Variants in BRINP3 observed in about 807,000 individuals in gnomAD.
The protein encoded by BRINP3 is BMP/retinoic acid inducible neural specific 3, also known as BMP/retinoic acid-inducible neural-specific protein 3.
In BRINP3, 19 loss-of-function variants were observed where a neutral mutation model predicts 71.0. The ratio of observed to expected loss-of-function variants is 0.27; its 90% CI spans 0.19 to 0.39. The LOEUF is 0.39. Ranked by LOEUF, BRINP3 falls within the 10% of genes least tolerant of loss-of-function variation. BRINP3 has a pLI of 1.00. For missense variants in BRINP3, 959 were observed against 940.8 expected (o/e 1.02, Z -0.25); for synonymous variants, 380 against 337.7 (o/e 1.13, Z -1.37).
intron 6 of BRINP3, among the ~76,000 whole-genome samples, chr1:190,184,694 C>T (rs1653352198): frequency 1.3e-5 from 2 of 152,050 alleles, no homozygotes; most frequent in Admixed American, 6.6e-5. Flanking sequence ...TTTGGGCACT[C>T]ATGTACATAA....
chr1:190,354,647 T>G (rs139445572), intron 2 of BRINP3, among the ~76,000 whole-genome samples: 1 of 152,066 alleles, frequency 6.6e-6, no homozygotes, highest in Non-Finnish European at 1.5e-5. Context: ...CTGAGATTAA[T>G]TGCCACCCTT....
chr1:190,344,466 A>C (rs1190410165), intron 2 of BRINP3, among the ~76,000 whole-genome samples: 4 of 56,892 alleles, frequency 7.0e-5, no homozygotes, highest in African/African-American at 1.5e-4. Flanking sequence ...TTTTCAGTGC[A>C]AACATAAGTA....
At chr1:190,409,199 C>A (rs1445347231) in intron 2 of BRINP3, among the ~76,000 whole-genome samples, 1 of 151,658 alleles carries the variant, frequency 6.6e-6, no homozygotes, top group Admixed American at 6.6e-5. Context: ...TCCTGGAGTT[C>A]GAGACTATCC....
intron 4 of BRINP3, among the ~76,000 whole-genome samples, chr1:190,254,007 C>G (rs1246929644): frequency 1.3e-5 from 2 of 152,110 alleles, no homozygotes; most frequent in East Asian, 3.9e-4. Flanking sequence ...TTCCCAGCAC[C>G]ATTTATTAAA....
chr1:190,202,710 T>C (rs1013187302), intron 6 of BRINP3, among the ~76,000 whole-genome samples: 1 of 152,010 alleles, frequency 6.6e-6, no homozygotes, highest in African/African-American at 2.4e-5. Flanking sequence ...TTTTAAAAAA[T>C]GGGAGTTTGT....
At chr1:190,365,609 A>T (rs1571869872) in intron 2 of BRINP3, among the ~76,000 whole-genome samples, 1 of 146,674 alleles carries the variant, frequency 6.8e-6, no homozygotes, top group South Asian at 2.1e-4. Context: ...CAATTATATT[A>T]AAATATATTA....
intron 1 of BRINP3, among the ~76,000 whole-genome samples, chr1:190,458,081 C>A (rs1353906187): frequency 3.3e-5 from 5 of 151,984 alleles, no homozygotes; most frequent in Non-Finnish European, 7.4e-5. Flanking sequence ...AGAGAACTAC[C>A]TAACAATATT....
In BRINP3 at chr1:190,384,716, C is replaced by T. The variant is rs557790224; in HGVS notation, c.236+69939G>A. 3.0e-3 allele frequency among the ~76,000 whole-genome samples: 454 copies of T among 151,840 alleles called. 2 individuals carry two copies. Among genetic ancestry groups the T allele is most frequent in the Admixed American group, 6.3e-3 (95 of 15,200 alleles). Reference sequence around the variant, plus strand: ...GTAAGCAATCTGAAATTTAGAGAATCAAATTAATTCACTCAAAATTATATC... The same window carrying T: ...GTAAGCAATCTGAAATTTAGAGAATTAAATTAATTCACTCAAAATTATATC... On this transcript the variant is annotated intron_variant, in intron 2 of 7. Transcript: ENST00000367462.
At chr1:190,301,802 C>G (rs1022550778) in intron 2 of BRINP3, among the ~76,000 whole-genome samples, 3 of 151,812 alleles carry the variant, frequency 2.0e-5, no homozygotes, top group Middle Eastern at 3.5e-3. Flanking sequence ...AAAAAGTGGA[C>G]AGTAAAACCA....
chr1:190,474,652 A>T (rs1351973412), intron 1 of BRINP3: 3 of 152,360 alleles, frequency 2.0e-5, no homozygotes, highest in Non-Finnish European at 4.4e-5. Flanking sequence ...CATGCATCTT[A>T]TCTTCGGAGG....
At chr1:190,306,437 T>C (rs1171950422) in intron 2 of BRINP3, among the ~76,000 whole-genome samples, 1 of 151,840 alleles carries the variant, frequency 6.6e-6, no homozygotes, top group Non-Finnish European at 1.5e-5. Context: ...AAAGGAGTTT[T>C]AGAGAAAATA....
chr1:190,342,999 C>T (rs541443008), intron 2 of BRINP3, among the ~76,000 whole-genome samples: 1 of 151,778 alleles, frequency 6.6e-6, no homozygotes, highest in Admixed American at 6.6e-5. Flanking sequence ...CAGTAGGATT[C>T]GAAGAACTAT....
At chr1:190,415,799 A>G (rs1425855264) in intron 2 of BRINP3, among the ~76,000 whole-genome samples, 2 of 152,152 alleles carry the variant, frequency 1.3e-5, no homozygotes, top group African/African-American at 4.8e-5. Flanking sequence ...GCTACTCAGG[A>G]GGCTGAGGTG....
In BRINP3 at chr1:190,253,778, T is replaced by C. The variant is rs143920975; in HGVS notation, c.618+11087A>G. 1.1e-3 allele frequency among the ~76,000 whole-genome samples: 168 copies of C among 151,414 alleles called. 8 individuals are homozygous for C. The East Asian group carries it at 0.026, about 23-fold the overall frequency. On this transcript the variant is annotated intron_variant, in intron 4 of 7. Transcript: ENST00000367462. ...TTGGCCTTGCCGAAGTTCTTTAGTTTAATTTGTGTATTTTGGCTTTTGTTG... is the reference window on the plus strand; with the variant it reads ...TTGGCCTTGCCGAAGTTCTTTAGTTCAATTTGTGTATTTTGGCTTTTGTTG...
intron 6 of BRINP3, among the ~76,000 whole-genome samples, chr1:190,190,516 C>T (rs1173546753): frequency 6.6e-6 from 1 of 152,088 alleles, no homozygotes; most frequent in Non-Finnish European, 1.5e-5. Flanking sequence ...AGGGTACAAT[C>T]ACTTGACAGT....
chr1:190,402,950 C>T (rs1254412962), intron 2 of BRINP3, among the ~76,000 whole-genome samples: 1 of 152,118 alleles, frequency 6.6e-6, no homozygotes, highest in Non-Finnish European at 1.5e-5. Flanking sequence ...TGGTCTCCAA[C>T]TGCTGAGTTC....
At chr1:190,304,081 T>C (rs188943480) in intron 2 of BRINP3, among the ~76,000 whole-genome samples, 2 of 151,956 alleles carry the variant, frequency 1.3e-5, no homozygotes, top group South Asian at 4.2e-4. Context: ...TCTACACTTA[T>C]GCAAGTCTGC....
At chr1:190,358,554 A>C (rs1249922686) in intron 2 of BRINP3, among the ~76,000 whole-genome samples, 3 of 152,168 alleles carry the variant, frequency 2.0e-5, no homozygotes, top group African/African-American at 7.2e-5. Context: ...ACACTTTTAC[A>C]CTGTTGGTGG....
intron 6 of BRINP3, among the ~76,000 whole-genome samples, chr1:190,203,753 ATATATATATATATAT>A (rs1655225023): frequency 0.042 from 224 of 5,356 alleles, 14 homozygotes; most frequent in Admixed American, 0.096. Context: ...TAAAGAAAAT[ATATATATATATATAT>A]ATATATATAT....
Sources: gnomAD v4.1 joint callset for allele counts (sites outside exome capture counted in the v4.1 genomes callset) on GRCh38, gnomAD v4.1.1 for gene constraint, MANE v1.5 for transcripts, NCBI Gene and HGNC (gene_info 2026-07-23, HGNC 2026-07-21) for gene names.